Variants in BMPR2 observed in about 807,000 individuals in gnomAD.
BMPR2 encodes bone morphogenetic protein receptor type 2.
Under a neutral mutation model 100.8 loss-of-function variants are expected in BMPR2, and 29 were observed. That is an observed-to-expected ratio of 0.29 (90% CI 0.21 to 0.39). The LOEUF (loss-of-function observed/expected upper bound fraction) is 0.39. Among genes scored for constraint, BMPR2 ranks in the 10% least tolerant of loss-of-function variants. The probability of loss-of-function intolerance (pLI) is 1.00; values close to 1 mark genes in which losing one functional copy is unlikely to be tolerated. For missense variants in BMPR2, 1,011 were observed against 1,274.5 expected, an observed-to-expected ratio of 0.79 and a Z score of 3.15; for synonymous variants, 382 against 442.3, an observed-to-expected ratio of 0.86 and a Z score of 1.71.
chr2:202,509,712 CATTA>C (rs1300226795), intron 3 of BMPR2, among the ~76,000 whole-genome samples: 1 of 151,750 alleles, frequency 6.6e-6, no homozygotes, highest in Admixed American at 6.6e-5. Flanking sequence ...CTTTAAATAA[CATTA>C]ATCTAAATTT....
intron 3 of BMPR2, among the ~76,000 whole-genome samples, chr2:202,492,866 T>G (rs183169626): frequency 1.6e-3 from 240 of 152,270 alleles, no homozygotes; most frequent in African/African-American, 5.2e-3. Flanking sequence ...GTTTTCCTTA[T>G]AAGAGAGCAA....
At chr2:202,542,082 G>T (rs1688286045) in intron 9 of BMPR2, among the ~76,000 whole-genome samples, 1 of 150,704 alleles carries the variant, frequency 6.6e-6, no homozygotes, top group Non-Finnish European at 1.5e-5. Flanking sequence ...CTGCACTCCA[G>T]CCTGGGCAAC....
chr2:202,405,121 C>T (rs1183047258), intron 1 of BMPR2, among the ~76,000 whole-genome samples: 1 of 152,098 alleles, frequency 6.6e-6, no homozygotes, highest in Non-Finnish European at 1.5e-5. Flanking sequence ...TCTCACCTAG[C>T]CCTGTGCACT....
At chr2:202,450,128 C>T (rs968449170) in intron 1 of BMPR2, among the ~76,000 whole-genome samples, 2 of 151,794 alleles carry the variant, frequency 1.3e-5, no homozygotes, top group Non-Finnish European at 2.9e-5. Context: ...ACAACAAGAA[C>T]AACAACAAAA....
At chr2:202,402,647 A>ATT (rs1423823412) in intron 1 of BMPR2, among the ~76,000 whole-genome samples, 26 of 141,888 alleles carry the variant, frequency 1.8e-4, no homozygotes, top group Admixed American at 7.0e-4. Context: ...CAAAACTTGC[A>ATT]TTGTGTGTGT....
chr2:202,406,344 C>T (rs1462510183), intron 1 of BMPR2, among the ~76,000 whole-genome samples: 3 of 152,212 alleles, frequency 2.0e-5, no homozygotes, highest in African/African-American at 7.2e-5. Context: ...TTTCTTTGTA[C>T]TCTATGGCAG....
intron 3 of BMPR2, among the ~76,000 whole-genome samples, chr2:202,506,291 G>A (rs1687519318): frequency 6.6e-6 from 1 of 151,952 alleles, no homozygotes; most frequent in African/African-American, 2.4e-5. Flanking sequence ...CAAGTAGCTG[G>A]GATTACAGGC....
Position 202,546,085 on chromosome 2 carries a change from T to G in BMPR2, c.1413+3638T>G, listed in dbSNP as rs572618242. Among the ~76,000 whole-genome samples the G allele has an allele frequency of 5.3e-5, 8 of 152,348 alleles. No homozygotes were observed. In the South Asian group the frequency reaches 1.7e-3, roughly 32 times the overall value. On this transcript the variant is annotated intron_variant, in intron 10 of 12. Coordinates refer to ENST00000374580, the MANE Select transcript of BMPR2 (RefSeq NM_001204.7). ...TATGCATATTTACCTGAAAACTTTT[T>G]ACTTCCAGTATAGAGTAGGTTGCCA...
At chr2:202,392,673 G>GT (rs1184663157) in intron 1 of BMPR2, among the ~76,000 whole-genome samples, 1 of 152,100 alleles carries the variant, frequency 6.6e-6, no homozygotes, top group Non-Finnish European at 1.5e-5. Context: ...AGCTGTAGTT[G>GT]TTTGAGTTTC....
At chr2:202,541,446 A>T (rs761687166) in intron 9 of BMPR2, among the ~76,000 whole-genome samples, 15 of 152,190 alleles carry the variant, frequency 9.9e-5, no homozygotes, top group South Asian at 2.1e-4. Context: ...AAATTTTTTT[A>T]AAGTATATTG....
chr2:202,381,896 AAG>A (rs1259123586), intron 1 of BMPR2, among the ~76,000 whole-genome samples: 2 of 152,034 alleles, frequency 1.3e-5, no homozygotes, highest in East Asian at 1.9e-4. Flanking sequence ...TTTTAACAAA[AAG>A]AGAAGAAATT....
At chr2:202,380,883 T>G (rs1426277419) in intron 1 of BMPR2, among the ~76,000 whole-genome samples, 1 of 149,960 alleles carries the variant, frequency 6.7e-6, no homozygotes, top group African/African-American at 2.5e-5. Context: ...CCTCCCAAAA[T>G]GCTGGGATTA....
intron 1 of BMPR2, among the ~76,000 whole-genome samples, chr2:202,387,944 A>T (rs1690462738): frequency 6.6e-6 from 1 of 152,238 alleles, no homozygotes. Flanking sequence ...TTATTCAAAC[A>T]GAGTTTTATG....
At chr2:202,492,656 C>T (rs1456825386) in intron 3 of BMPR2, among the ~76,000 whole-genome samples, 1 of 147,238 alleles carries the variant, frequency 6.8e-6, no homozygotes, top group African/African-American at 2.5e-5. Context: ...ACAGAGATCC[C>T]GCCATTGCAC....
intron 3 of BMPR2, among the ~76,000 whole-genome samples, chr2:202,496,703 G>A (rs547615890): frequency 6.6e-6 from 1 of 152,150 alleles, no homozygotes; most frequent in Non-Finnish European, 1.5e-5. Flanking sequence ...TGACCCTATG[G>A]GGAAAAAATA....
Position 202,380,008 on chromosome 2 carries a change from C to T in BMPR2, c.76+2458C>T, listed in dbSNP as rs149284854. ...GACTAGCTGAGATTACGGGAGCCCA[C>T]CACCATGCCCAGCTAATTTATTTTT... On this transcript the variant is annotated intron_variant, in intron 1 of 12. Transcript: ENST00000374580. Among the ~76,000 whole-genome samples the T allele has an allele frequency of 2.2e-4, 33 of 152,224 alleles. No homozygotes were observed. In the East Asian group the frequency reaches 6.2e-3, roughly 28 times the overall value.
At chr2:202,492,743 G>C (rs1418420357) in intron 3 of BMPR2, among the ~76,000 whole-genome samples, 1 of 128,364 alleles carries the variant, frequency 7.8e-6, no homozygotes, top group Non-Finnish European at 1.7e-5. Context: ...AAAACAAAAA[G>C]GAAATCAGTG....
Position 202,555,610 on chromosome 2 carries a change from A to G in BMPR2, c.1945A>G (p.Ile649Val), listed in dbSNP as rs774770667. The G allele has an allele frequency of 8.1e-6, 13 of 1,614,052 alleles. No individual in the cohort carries two copies. Among genetic ancestry groups the G allele is most frequent in the Admixed American group, 3.3e-5 (2 of 60,000 alleles). The change falls in exon 12 of 13, where the codon ATT becomes GTT. Residue 649 changes from isoleucine (I) to valine (V), a missense_variant. Physicochemically the swap from Ile to Val is conservative, Grantham distance 29 (BLOSUM62 3). Transcript: ENST00000374580. ...NLHTTNVAQS[I>V]GPTPVCLQLT... Reference sequence around the variant, plus strand: ...GCATACCACAAATGTTGCACAGTCAATTGGGCCAACCCCTGTCTGCTTACA... The same window carrying G: ...GCATACCACAAATGTTGCACAGTCAGTTGGGCCAACCCCTGTCTGCTTACA...
At position 202,542,386 on chromosome 2, in the gene BMPR2, T is replaced by C. The variant is rs764060282; in HGVS notation, c.1352T>C (p.Val451Ala). The change falls in exon 10 of 13, where the codon GTT becomes GCT. Residue 451 changes from valine to alanine, a missense_variant. By Grantham distance (64) the Val-to-Ala change is moderately conservative (BLOSUM62 0). Coordinates refer to ENST00000374580, the MANE Select transcript of BMPR2 (RefSeq NM_001204.7). ...CATCCCACTTTTGAGGATATGCAGGTTCTCGTGTCTAGGGAAAAACAGAGA... is the reference window on the plus strand; with the variant it reads ...CATCCCACTTTTGAGGATATGCAGGCTCTCGTGTCTAGGGAAAAACAGAGA... The part of the protein sequence containing the change: ...GNHPTFEDMQ[V>A]LVSREKQRPK... 5.0e-6 allele frequency: 8 copies of C among 1,613,996 alleles called. 1 individual carries two copies. The South Asian group carries it at 7.7e-5, about 16-fold the overall frequency.
Sources: allele counts gnomAD v4.1 joint callset (sites outside exome capture counted in the v4.1 genomes callset), GRCh38; gene constraint gnomAD v4.1.1; transcripts MANE v1.5; gene names NCBI Gene and HGNC (gene_info 2026-07-23, HGNC 2026-07-21).